Variants in SNRPF observed in about 807,000 individuals in gnomAD.
The protein encoded by SNRPF is small nuclear ribonucleoprotein polypeptide F.
Under a neutral mutation model 13.4 loss-of-function variants are expected in SNRPF, and 1 was observed. That is an observed-to-expected ratio of 0.07 (90% CI 0.03 to 0.35). The LOEUF (loss-of-function observed/expected upper bound fraction) is 0.35. Ranked by LOEUF, SNRPF falls within the 10% of genes least tolerant of loss-of-function variation. The pLI, the probability that SNRPF is intolerant of heterozygous loss-of-function variation, is 0.99. For synonymous variants in SNRPF, 27 were observed against 32.1 expected, an observed-to-expected ratio of 0.84 and a Z score of 0.54; for missense variants, 53 against 101.0, an observed-to-expected ratio of 0.52 and a Z score of 2.04.
rs1243035475 is a variant in SNRPF at position 95,861,263 on chromosome 12, G to A, written c.99G>A (p.Leu33=). 6.2e-7 allele frequency: 1 copy of A among 1,611,648 alleles called. No individual in the cohort carries two copies. The highest frequency in any genetic ancestry group is 1.3e-5 in the African/African-American group (1 of 74,840). Residue 33 remains leucine (L), a synonymous_variant, in exon 2 of 4, where the codon CTG becomes CTA. Transcript: ENST00000266735. ...GGGGAATGGAGTACAAGGGCTATCT[G>A]GTATCTGTAGATGGCTACATGAACA... ...LKWGMEYKGY[L]VSVDGYMNMQ...
chr12:95,865,846 A>G (rs557960858), intron 3 of SNRPF, among the ~76,000 whole-genome samples, 159 bp from the exon 4 acceptor site: 31 of 152,096 alleles, frequency 2.0e-4, no homozygotes, highest in Non-Finnish European at 8.8e-5. Context: ...CAACAAATCT[A>G]TGTGAAACTT....
intron 2 of SNRPF, among the ~76,000 whole-genome samples, chr12:95,864,294 TCCCTCTCTCCCATCACTC>T (rs2079511176): frequency 6.6e-6 from 1 of 152,202 alleles, no homozygotes; most frequent in South Asian, 2.1e-4. Flanking sequence ...GAAGGAAACC[TCCCTCTCTCCCATCACTC>T]CTTAGTTCCT....
chr12:95,865,191 T>A, intron 2 of SNRPF, 133 bp from the exon 3 acceptor site: 3 of 440,322 alleles, frequency 6.8e-6, no homozygotes, highest in Non-Finnish European at 1.2e-5. Flanking sequence ...TCATCTTCTG[T>A]TTATTAATTA....
intron 3 of SNRPF, 149 bp from the exon 4 acceptor site, chr12:95,865,856 T>C (rs2079518821): frequency 2.8e-6 from 1 of 359,780 alleles, no homozygotes; most frequent in Admixed American, 4.6e-5. Flanking sequence ...ATGTGAAACT[T>C]TTTTTTAAAA....
chr12:95,863,936 C>G (rs1592746121), intron 2 of SNRPF, among the ~76,000 whole-genome samples: 1 of 152,098 alleles, frequency 6.6e-6, no homozygotes, highest in African/African-American at 2.4e-5. Flanking sequence ...AAATGGCGGC[C>G]ATAGAGAGCC....
intron 3 of SNRPF, 90 bp from the exon 4 acceptor site, chr12:95,865,915 G>T: frequency 1.9e-6 from 1 of 534,894 alleles, no homozygotes; most frequent in Non-Finnish European, 3.3e-6. Context: ...TATAAATATA[G>T]TATTCAGTAT....
At chr12:95,860,426 C>T (rs1257361838) in intron 1 of SNRPF, among the ~76,000 whole-genome samples, 1 of 152,212 alleles carries the variant, frequency 6.6e-6, no homozygotes, top group Non-Finnish European at 1.5e-5. Flanking sequence ...GGCAACCTTT[C>T]CTTTTTCCCC....
intron 2 of SNRPF, among the ~76,000 whole-genome samples, chr12:95,863,830 A>G (rs2079508277): frequency 6.6e-6 from 1 of 152,208 alleles, no homozygotes; most frequent in African/African-American, 2.4e-5. Flanking sequence ...AGCAAGTACA[A>G]AGGCCCTGTG....
chr12:95,864,083 A>G (rs1356563672), intron 2 of SNRPF, among the ~76,000 whole-genome samples: 1 of 152,254 alleles, frequency 6.6e-6, no homozygotes, highest in Non-Finnish European at 1.5e-5. Context: ...TGTTACATAC[A>G]AACTGTCTCA....
At chr12:95,859,997 G>A (rs970574337) in intron 1 of SNRPF, among the ~76,000 whole-genome samples, 7 of 152,192 alleles carry the variant, frequency 4.6e-5, no homozygotes, top group African/African-American at 1.7e-4. Context: ...AGATCACTCC[G>A]AATATGCTCA....
In SNRPF at chr12:95,866,119, ATTTG is replaced by A. The variant is rs147311324; in HGVS notation, c.*56_*59del. On this transcript the variant is annotated 3_prime_UTR_variant, in exon 4 of 4. Transcript: ENST00000266735. ...TTATATATATTTCTAGACAATAAAG[ATTTG>A]TTTGTTTTTCAACTTGACTTGTGAA... 55,950 of 935,560 alleles carry A rather than the reference ATTTG, an allele frequency of 0.06. 2,176 individuals carry two copies. The highest frequency in any genetic ancestry group is 0.073 in the Non-Finnish European group (44,192 of 608,918). 58.0% of individuals were successfully genotyped at this position (935,560 alleles called of 1,614,324 possible).
chr12:95,859,021 G>C lies in SNRPF; in HGVS notation c.-53G>C, dbSNP rs925146526. ...GGTACCTGCTGTAGTCACGAGGGAC[G>C]GGCGGCGGCCTGGTCGGCAGAGAGT... On this transcript the variant is annotated 5_prime_UTR_variant, in exon 1 of 4. Transcript: ENST00000266735. 8.1e-6 allele frequency: 13 copies of C among 1,609,026 alleles called. No individual in the cohort carries two copies. Among genetic ancestry groups the C allele is most frequent in the Non-Finnish European group, 1.0e-5 (12 of 1,178,630 alleles).
In SNRPF at chr12:95,859,059, T is replaced by C; in HGVS notation, c.-15T>C. 1 of 1,613,042 alleles carries C rather than the reference T, an allele frequency of 6.2e-7. No individual in the cohort carries two copies. Among genetic ancestry groups the C allele is most frequent in the Non-Finnish European group, 8.5e-7 (1 of 1,179,758 alleles). ...GTCGGCAGAGAGTAGCCTGCAACATTCGGCCGTGGTTACGATGGTAAGGAG... is the reference window on the plus strand; with the variant it reads ...GTCGGCAGAGAGTAGCCTGCAACATCCGGCCGTGGTTACGATGGTAAGGAG... On this transcript the variant is annotated 5_prime_UTR_variant, in exon 1 of 4. Coordinates refer to ENST00000266735, the MANE Select transcript of SNRPF (RefSeq NM_003095.5).
chr12:95,859,056 C>T lies in SNRPF; in HGVS notation c.-18C>T. The T allele has an allele frequency of 6.2e-7, 1 of 1,613,050 alleles. No homozygotes were observed. On this transcript the variant is annotated 5_prime_UTR_variant, in exon 1 of 4. Transcript: ENST00000266735. ...CTGGTCGGCAGAGAGTAGCCTGCAA[C>T]ATTCGGCCGTGGTTACGATGGTAAG...
chr12:95,862,701 AT>A (rs552944773), intron 2 of SNRPF, among the ~76,000 whole-genome samples: 67 of 148,854 alleles, frequency 4.5e-4, no homozygotes, highest in African/African-American at 1.2e-3. Flanking sequence ...TGACAGAGAA[AT>A]TTTTTTTTTT....
Position 95,865,737 on chromosome 12 carries a change from C to T in SNRPF, c.195-268C>T, listed in dbSNP as rs975904779. Among the ~76,000 whole-genome samples the T allele has an allele frequency of 3.3e-5, 5 of 152,190 alleles. No individual in the cohort carries two copies. The East Asian group carries it at 9.6e-4, about 29-fold the overall frequency. On this transcript the variant is annotated intron_variant, in intron 3 of 3. Transcript: ENST00000266735. ...TTGTTATATTGATTTTCTGTACTAG[C>T]TTCAAAGCTCCAAATTCTGGTAATT...
chr12:95,861,322 C>G (rs202033142), intron 2 of SNRPF, 29 bp downstream of exon 2: 32 of 1,592,674 alleles, frequency 2.0e-5, no homozygotes, highest in Admixed American at 1.0e-4. Flanking sequence ...AAGGTCATAA[C>G]ATTGCATTTA....
At chr12:95,859,198 G>A (rs966089959) in intron 1 of SNRPF, 122 bp downstream of exon 1, 10 of 844,216 alleles carry the variant, frequency 1.2e-5, no homozygotes, top group African/African-American at 1.8e-5. Flanking sequence ...CGCGCACCCT[G>A]TCGCCAGCTC....
At chr12:95,859,226 G>GA (rs1208984641) in intron 1 of SNRPF, 150 bp downstream of exon 1, 11 of 572,566 alleles carry the variant, frequency 1.9e-5, no homozygotes, top group East Asian at 3.1e-5. Context: ...TCTGCTTTTA[G>GA]GTTTCTGAGG....
Sources: allele counts gnomAD v4.1 joint callset (sites outside exome capture counted in the v4.1 genomes callset), GRCh38; gene constraint gnomAD v4.1.1; transcripts MANE v1.5; gene names NCBI Gene and HGNC (gene_info 2026-07-23, HGNC 2026-07-21).